CSMD2: variants seen among roughly 807,000 people sequenced by gnomAD.
The protein encoded by CSMD2 is CUB and sushi domain-containing protein 2.
In CSMD2, 130 loss-of-function variants were observed where a neutral mutation model predicts 398.5. The ratio of observed to expected loss-of-function variants is 0.33; its 90% CI spans 0.28 to 0.38. The LOEUF is 0.38. CSMD2 is among the 10% of genes least tolerant of loss of function. CSMD2 has a pLI of 1.00. For synonymous variants in CSMD2, 1,828 were observed against 1,908.5 expected (o/e 0.96, Z 1.10); for missense variants, 3,829 against 4,764.9 (o/e 0.80, Z 5.78).
intron 10 of CSMD2, among the ~76,000 whole-genome samples, chr1:33,795,947 T>C (rs937483424): frequency 6.6e-6 from 1 of 152,238 alleles, no homozygotes; most frequent in Non-Finnish European, 1.5e-5. Flanking sequence ...TTGGCAAACT[T>C]TTTCTGTAAA....
At chr1:34,117,431 A>G (rs959077372) in intron 1 of CSMD2, among the ~76,000 whole-genome samples, 7 of 152,138 alleles carry the variant, frequency 4.6e-5, no homozygotes, top group Non-Finnish European at 1.0e-4. Context: ...CTCTAAACAG[A>G]ATTAGAGCTA....
chr1:34,107,930 A>C (rs1660679506), intron 1 of CSMD2, among the ~76,000 whole-genome samples: 1 of 152,202 alleles, frequency 6.6e-6, no homozygotes, highest in Non-Finnish European at 1.5e-5. Flanking sequence ...AAAATATGTG[A>C]AACCAAGCCT....
rs147788964 is a variant in CSMD2, at chr1:33,798,717, G to A, written c.1447-6191C>T. On this transcript the variant is annotated intron_variant, in intron 10 of 70. Coordinates refer to ENST00000373381, the MANE Select transcript of CSMD2 (RefSeq NM_001281956.2). ...AGAGAGACCAGTGGAGGCTGATGCA[G>A]GGTCCAAGAGCATGAGGAGAAATTA... Among the ~76,000 whole-genome samples the A allele has an allele frequency of 1.9e-4, 29 of 152,344 alleles. 1 individual carries two copies. The highest frequency in any genetic ancestry group is 9.1e-4 in the Admixed American group (14 of 15,308).
chr1:33,922,506 T>G (rs1558108504), intron 4 of CSMD2, among the ~76,000 whole-genome samples: 2 of 152,132 alleles, frequency 1.3e-5, no homozygotes. Flanking sequence ...AAGCAGGTCT[T>G]GGGGGAAAGA....
intron 3 of CSMD2, among the ~76,000 whole-genome samples, chr1:33,981,143 C>T (rs564811121): frequency 1.3e-3 from 193 of 152,244 alleles, no homozygotes; most frequent in African/African-American, 4.4e-3. Context: ...GTGAGTGCTC[C>T]GAAGCTCTTC....
At chr1:33,520,648 T>C (rs1013064870) in intron 68 of CSMD2, among the ~76,000 whole-genome samples, 3 of 150,800 alleles carry the variant, frequency 2.0e-5, no homozygotes, top group African/African-American at 7.3e-5. Context: ...CTGGGACAAC[T>C]CCGGGGGAGG....
At chr1:33,716,899 C>G (rs1244142731) in intron 19 of CSMD2, among the ~76,000 whole-genome samples, 1 of 152,062 alleles carries the variant, frequency 6.6e-6, no homozygotes, top group East Asian at 1.9e-4. Flanking sequence ...AGAGGATATA[C>G]CAGACATTAA....
intron 22 of CSMD2, among the ~76,000 whole-genome samples, chr1:33,707,683 A>ATGCGCGCG (rs546434224): frequency 8.3e-5 from 6 of 72,262 alleles, no homozygotes; most frequent in Non-Finnish European, 1.3e-4. Flanking sequence ...ACGCGTGCAC[A>ATGCGCGCG]CGCGCGCGCG....
At chr1:33,679,199 G>GTTTTTTTT (rs58284803) in intron 25 of CSMD2, among the ~76,000 whole-genome samples, 1 of 84,216 alleles carries the variant, frequency 1.2e-5, no homozygotes. Context: ...AATTGCAGTT[G>GTTTTTTTT]TTTTTTTTTT....
At chr1:33,564,908 G>T (rs1438511553) in intron 53 of CSMD2, among the ~76,000 whole-genome samples, 1 of 152,188 alleles carries the variant, frequency 6.6e-6, no homozygotes, top group East Asian at 1.9e-4. Context: ...AAAAAGTGAA[G>T]AATTATCCAA....
intron 1 of CSMD2, among the ~76,000 whole-genome samples, chr1:34,105,371 A>C (rs1444050062): frequency 6.6e-6 from 1 of 152,152 alleles, no homozygotes; most frequent in Non-Finnish European, 1.5e-5. Flanking sequence ...AATGTCCCCT[A>C]GGGGGAAAAT....
At chr1:33,579,681 A>AT (rs879300584) in intron 48 of CSMD2, among the ~76,000 whole-genome samples, 12,255 of 142,958 alleles carry the variant, frequency 0.086, 586 homozygotes, top group African/African-American at 0.13. Flanking sequence ...TTTTTTTTTA[A>AT]TTTTTTTTTT....
intron 37 of CSMD2, among the ~76,000 whole-genome samples, chr1:33,621,706 C>A (rs1641782540): frequency 6.6e-6 from 1 of 152,080 alleles, no homozygotes; most frequent in African/African-American, 2.4e-5. Flanking sequence ...TGGTAGTGAC[C>A]ACTTAGGGAT....
chr1:33,820,430 A>T, intron 8 of CSMD2, 39 bp downstream of exon 8: 1 of 1,416,690 alleles, frequency 7.1e-7, no homozygotes, highest in Non-Finnish European at 1.0e-6. Flanking sequence ...AGGCCACCCC[A>T]CCCTTCTTGC....
chr1:34,110,797 G>A (rs1370897236), intron 1 of CSMD2, among the ~76,000 whole-genome samples: 1 of 152,124 alleles, frequency 6.6e-6, no homozygotes, highest in Non-Finnish European at 1.5e-5. Context: ...TTAGGTACTA[G>A]GCTTAATATC....
chr1:33,900,572 T>C (rs1390583773), intron 5 of CSMD2, among the ~76,000 whole-genome samples: 1 of 151,926 alleles, frequency 6.6e-6, no homozygotes, highest in Admixed American at 6.6e-5. Context: ...AGGTTAGGAG[T>C]TCAAGACCAG....
At chr1:34,109,265 T>G (rs1046081537) in intron 1 of CSMD2, among the ~76,000 whole-genome samples, 1 of 152,232 alleles carries the variant, frequency 6.6e-6, no homozygotes, top group Admixed American at 6.5e-5. Flanking sequence ...TTTTGTGTTT[T>G]GATGCCCCCA....
intron 48 of CSMD2, 86 bp downstream of exon 48, chr1:33,580,666 AG>A: frequency 6.9e-7 from 1 of 1,453,652 alleles, no homozygotes; most frequent in Non-Finnish European, 9.4e-7. Flanking sequence ...CAGATTTAGG[AG>A]GGGAATGGCC....
intron 23 of CSMD2, among the ~76,000 whole-genome samples, chr1:33,700,013 T>C (rs1403689137): frequency 6.6e-6 from 1 of 151,446 alleles, no homozygotes; most frequent in African/African-American, 2.4e-5. Context: ...TTACTCCATT[T>C]TTTTTTTTCT....
Sources: gnomAD v4.1 joint callset for allele counts (sites outside exome capture counted in the v4.1 genomes callset) on GRCh38, gnomAD v4.1.1 for gene constraint, MANE v1.5 for transcripts, NCBI Gene and HGNC (gene_info 2026-07-23, HGNC 2026-07-21) for gene names.